The following DGCR2 variants were observed in gnomAD, a reference collection of about 807,000 sequenced individuals.
DGCR2 encodes the protein DiGeorge syndrome critical region gene 2.
Under a neutral mutation model 51.6 loss-of-function variants are expected in DGCR2, and 24 were observed. The ratio of observed to expected loss-of-function variants is 0.47; its 90% CI spans 0.34 to 0.65. The LOEUF (loss-of-function observed/expected upper bound fraction) is 0.65, where lower values mean the gene tolerates loss of function less well. Ranked by LOEUF, DGCR2 falls within the 30% of genes least tolerant of loss-of-function variation. DGCR2 has a pLI of 0.01. For synonymous variants in DGCR2, 340 were observed against 315.4 expected (o/e 1.08, Z -0.82); for missense variants, 765 against 772.1 (o/e 0.99, Z 0.11).
At chr22:19,041,345 G>A (rs1235035815) in intron 8 of DGCR2, 51 bp from the exon 9 acceptor site, 6 of 1,570,404 alleles carry the variant, frequency 3.8e-6, no homozygotes, top group East Asian at 2.2e-5. Context: ...ACTGGGGGCA[G>A]GCTGCCTGGC....
intron 2 of DGCR2, among the ~76,000 whole-genome samples, chr22:19,083,386 C>A (rs751293195): frequency 3.3e-5 from 5 of 152,178 alleles, no homozygotes; most frequent in Non-Finnish European, 5.9e-5. Context: ...AAGGCAAGTG[C>A]TCCCTCCTCA....
intron 6 of DGCR2, among the ~76,000 whole-genome samples, chr22:19,050,710 G>A (rs1024800004): frequency 1.3e-5 from 2 of 152,238 alleles, no homozygotes; most frequent in African/African-American, 4.8e-5. Flanking sequence ...CAAAGGTGGT[G>A]TGTGGGAGCA....
chr22:19,059,193 A>C (rs2082634182), intron 5 of DGCR2, among the ~76,000 whole-genome samples: 1 of 152,128 alleles, frequency 6.6e-6, no homozygotes, highest in African/African-American at 2.4e-5. Context: ...AGAGCTGTGA[A>C]CAAGGGAGCA....
At position 19,038,800 on chromosome 22, in the gene DGCR2, C is replaced by T. The variant is rs2082398506; in HGVS notation, c.*65G>A. ...TGGGACAGGGGCCTTTCAAGTCTCCCCAGGGACCGGTGTTTTCTACAACAG... is the reference window on the plus strand; with the variant it reads ...TGGGACAGGGGCCTTTCAAGTCTCCTCAGGGACCGGTGTTTTCTACAACAG... On this transcript the variant is annotated 3_prime_UTR_variant, in exon 10 of 10. Transcript: ENST00000263196. 1 of 1,572,214 alleles carries T rather than the reference C, an allele frequency of 6.4e-7. No homozygotes were observed. The highest frequency in any genetic ancestry group is 1.3e-5 in the African/African-American group (1 of 74,118).
At chr22:19,076,428 G>T (rs1427579608) in intron 2 of DGCR2, among the ~76,000 whole-genome samples, 1 of 152,086 alleles carries the variant, frequency 6.6e-6, no homozygotes, top group Non-Finnish European at 1.5e-5. Flanking sequence ...GCCTCCCAAA[G>T]TGCTGGGATT....
At chr22:19,081,553 A>T (rs1158623626) in intron 2 of DGCR2, among the ~76,000 whole-genome samples, 1 of 152,228 alleles carries the variant, frequency 6.6e-6, no homozygotes, top group Admixed American at 6.5e-5. Context: ...CAAGACATGT[A>T]TCAATGGCAA....
intron 1 of DGCR2, among the ~76,000 whole-genome samples, chr22:19,097,763 G>A (rs571056567): frequency 3.3e-5 from 5 of 152,338 alleles, no homozygotes; most frequent in South Asian, 4.1e-4. Context: ...CACTCCATGA[G>A]TGCCACCTGC....
rs1038553476 is a variant in DGCR2, at chr22:19,042,889, G to A, written c.1007-930C>T. Among the ~76,000 whole-genome samples, 7 of 152,262 alleles carry A rather than the reference G, an allele frequency of 4.6e-5. No individual in the cohort carries two copies. In the East Asian group the frequency reaches 9.6e-4, roughly 21 times the overall value. On this transcript the variant is annotated intron_variant, in intron 7 of 9. Transcript: ENST00000263196. Reference sequence around the variant, plus strand: ...GTCACTCCAATCCTTAACAAGCCATGGCAGAGAAAATGCGCATCCCCTGAC... The same window carrying A: ...GTCACTCCAATCCTTAACAAGCCATAGCAGAGAAAATGCGCATCCCCTGAC...
At chr22:19,101,273 C>G (rs2146033987) in intron 1 of DGCR2, among the ~76,000 whole-genome samples, 1 of 152,314 alleles carries the variant, frequency 6.6e-6, no homozygotes, top group South Asian at 2.1e-4. Flanking sequence ...CACCACTGTT[C>G]CCAACAGCAT....
At chr22:19,103,739 T>TAAA (rs34046451) in intron 1 of DGCR2, among the ~76,000 whole-genome samples, 1,787 of 78,568 alleles carry the variant, frequency 0.023, 30 homozygotes, top group African/African-American at 0.031. Context: ...AAAAAATTCT[T>TAAA]AAAAAAAAAA....
rs574790979 is a variant in DGCR2 at position 19,038,794 on chromosome 22, G to A, written c.*71C>T. 1.9e-6 allele frequency: 3 copies of A among 1,559,704 alleles called. No individual in the cohort carries two copies. The highest frequency in any genetic ancestry group is 2.6e-6 in the Non-Finnish European group (3 of 1,148,920). On this transcript the variant is annotated 3_prime_UTR_variant, in exon 10 of 10. Transcript: ENST00000263196. The stretch of plus-strand genomic sequence containing the variant: ...CCAGGCTGGGACAGGGGCCTTTCAA[G>A]TCTCCCCAGGGACCGGTGTTTTCTA...
chr22:19,071,047 C>G (rs563707385), intron 2 of DGCR2, among the ~76,000 whole-genome samples: 3 of 152,240 alleles, frequency 2.0e-5, no homozygotes, highest in East Asian at 1.9e-4. Flanking sequence ...GGAGGGCCAG[C>G]CTTTGGTAAG....
chr22:19,068,609 C>T (rs545815458), intron 2 of DGCR2, among the ~76,000 whole-genome samples: 19 of 152,322 alleles, frequency 1.2e-4, no homozygotes, highest in African/African-American at 4.3e-4. Context: ...GCTGCCCCTA[C>T]CCCTTCCTTG....
chr22:19,062,779 A>ATTCTCTCTCTCTCTCCTCTCTCTCTC, intron 5 of DGCR2, among the ~76,000 whole-genome samples: 1 of 127,354 alleles, frequency 7.9e-6, no homozygotes, highest in Non-Finnish European at 1.8e-5. Context: ...ATGCATGCTC[A>ATTCTCTCTCTCTCTCCTCTCTCTCTC]CTCTCTCTCT....
intron 1 of DGCR2, among the ~76,000 whole-genome samples, chr22:19,093,361 G>GAA (rs35223547): frequency 8.3e-6 from 1 of 120,486 alleles, no homozygotes; most frequent in Non-Finnish European, 1.8e-5. Context: ...ACTCCACCTC[G>GAA]AAAAAAAAAA....
chr22:19,109,407 A>T (rs1349482205), intron 1 of DGCR2, among the ~76,000 whole-genome samples: 1 of 152,216 alleles, frequency 6.6e-6, no homozygotes, highest in African/African-American at 2.4e-5. Context: ...CCAGGTGTAC[A>T]CTAAATAAAC....
rs1194132808 is a variant in DGCR2 at position 19,051,170 on chromosome 22, C to A, written c.803-2527G>T. Among the ~76,000 whole-genome samples the A allele has an allele frequency of 4.9e-5, 5 of 102,120 alleles. No individual in the cohort carries two copies. In the Admixed American group the frequency reaches 6.2e-4, roughly 13 times the overall value. 67.0% of individuals were successfully genotyped at this position (102,120 alleles called of 152,430 possible). A position where few individuals can be genotyped will look rare whatever the true frequency, so the allele number is the denominator to read the frequency against. On this transcript the variant is annotated intron_variant, in intron 6 of 9. Coordinates refer to ENST00000263196, the MANE Select transcript of DGCR2 (RefSeq NM_005137.3). ...CACCACTTCACTCCAGCCTGGGCAA[C>A]AGAGTGAAATTCTGTCACAAAAAAA...
intron 4 of DGCR2, among the ~76,000 whole-genome samples, chr22:19,064,133 G>A (rs943780410): frequency 8.5e-5 from 13 of 152,202 alleles, no homozygotes; most frequent in African/African-American, 2.9e-4. Flanking sequence ...CCCAAGCCTA[G>A]AGATGCCCAT....
intron 2 of DGCR2, among the ~76,000 whole-genome samples, chr22:19,082,056 T>C (rs545498145): frequency 2.4e-5 from 2 of 83,654 alleles, no homozygotes; most frequent in Non-Finnish European, 6.2e-5. Context: ...TTTTTTGGGG[T>C]TTTTTTTGTT....
Sources: gnomAD v4.1 joint callset for allele counts (sites outside exome capture counted in the v4.1 genomes callset) on GRCh38, gnomAD v4.1.1 for gene constraint, MANE v1.5 for transcripts, NCBI Gene and HGNC (gene_info 2026-07-23, HGNC 2026-07-21) for gene names.